NKAIN2: variants seen among roughly 807,000 people sequenced by gnomAD.
NKAIN2 encodes sodium/potassium transporting ATPase interacting 2, also known as sodium/potassium-transporting ATPase subunit beta-1-interacting protein 2.
Under a neutral mutation model 32.6 loss-of-function variants are expected in NKAIN2, and 14 were observed. That is an observed-to-expected ratio of 0.43 (90% CI 0.28 to 0.67). The LOEUF (loss-of-function observed/expected upper bound fraction) is 0.67, where lower values mean the gene tolerates loss of function less well. Among genes scored for constraint, NKAIN2 ranks in the 30% least tolerant of loss-of-function variants. The pLI, the probability that NKAIN2 is intolerant of heterozygous loss-of-function variation, is 0.17. For missense variants in NKAIN2, 198 were observed against 258.3 expected (o/e 0.77, Z 1.60); for synonymous variants, 80 against 87.2 (o/e 0.92, Z 0.46).
At chr6:124,547,064 T>C (rs902951586) in intron 3 of NKAIN2, among the ~76,000 whole-genome samples, 2 of 152,128 alleles carry the variant, frequency 1.3e-5, no homozygotes, top group Non-Finnish European at 2.9e-5. Flanking sequence ...AGAACTACTA[T>C]AAATGAACAT....
At chr6:123,982,519 TG>T (rs1443518798) in intron 1 of NKAIN2, among the ~76,000 whole-genome samples, 1 of 152,118 alleles carries the variant, frequency 6.6e-6, no homozygotes, top group Non-Finnish European at 1.5e-5. Flanking sequence ...ATTGTGCCTT[TG>T]TGTGATTTTA....
chr6:124,275,451 C>G (rs1253277472), intron 1 of NKAIN2, among the ~76,000 whole-genome samples: 1 of 149,210 alleles, frequency 6.7e-6, no homozygotes, highest in African/African-American at 2.5e-5. Context: ...CCAATATTTT[C>G]TTGGAAAGCT....
At chr6:124,759,940 A>G (rs1305906222) in intron 4 of NKAIN2, among the ~76,000 whole-genome samples, 3 of 151,988 alleles carry the variant, frequency 2.0e-5, no homozygotes, top group Admixed American at 2.0e-4. Context: ...GAACAGAGGC[A>G]CAGGAATAAA....
chr6:123,890,874 C>T (rs772717887), intron 1 of NKAIN2, among the ~76,000 whole-genome samples: 1 of 152,016 alleles, frequency 6.6e-6, no homozygotes, highest in Non-Finnish European at 1.5e-5. Context: ...AAACAAATAC[C>T]TATATACCAA....
rs1048190871 is a variant in NKAIN2 at position 124,765,360 on chromosome 6, T to G, written c.475-25979T>G. 4.7e-4 allele frequency among the ~76,000 whole-genome samples: 71 copies of G among 152,210 alleles called. 2 individuals are homozygous for G. On this transcript the variant is annotated intron_variant, in intron 4 of 6. Transcript: ENST00000368417. ...GCCTCCCTTAGTGATTTCACTGCAT[T>G]TACAGAGAGACCTCAACAATCAAGA...
intron 1 of NKAIN2, among the ~76,000 whole-genome samples, chr6:123,917,529 C>T (rs532388665): frequency 1.3e-5 from 2 of 152,260 alleles, no homozygotes; most frequent in South Asian, 2.1e-4. Context: ...GCAACTATGT[C>T]GTAGCAATGT....
intron 3 of NKAIN2, among the ~76,000 whole-genome samples, chr6:124,643,147 A>G (rs1028229425): frequency 2.0e-5 from 3 of 152,140 alleles, no homozygotes; most frequent in African/African-American, 7.2e-5. Context: ...CTTATATTTA[A>G]TGGTGCTTGT....
At chr6:123,871,622 G>T (rs1490362) in intron 1 of NKAIN2, among the ~76,000 whole-genome samples, 3,619 of 152,156 alleles carry the variant, frequency 0.024, 84 homozygotes, top group East Asian at 0.11. Flanking sequence ...GATATATTTG[G>T]ACACTTTTCA....
intron 1 of NKAIN2, among the ~76,000 whole-genome samples, chr6:123,983,506 T>G (rs1284893341): frequency 6.6e-6 from 1 of 152,190 alleles, no homozygotes; most frequent in Non-Finnish European, 1.5e-5. Flanking sequence ...GTTTTTCATC[T>G]GTAACCACAA....
At chr6:124,593,519 C>A (rs890727391) in intron 3 of NKAIN2, among the ~76,000 whole-genome samples, 1 of 152,016 alleles carries the variant, frequency 6.6e-6, no homozygotes, top group Non-Finnish European at 1.5e-5. Flanking sequence ...GTGTGTGGAC[C>A]TTTAGGGATG....
At chr6:124,673,574 G>A (rs2114481280) in intron 4 of NKAIN2, among the ~76,000 whole-genome samples, 1 of 152,048 alleles carries the variant, frequency 6.6e-6, no homozygotes, top group Middle Eastern at 3.4e-3. Context: ...TTTAATAATG[G>A]CCATCCTAAC....
chr6:124,080,664 C>G (rs1783919676), intron 1 of NKAIN2, among the ~76,000 whole-genome samples: 1 of 152,044 alleles, frequency 6.6e-6, no homozygotes, highest in South Asian at 2.1e-4. Context: ...GGATAATTAG[C>G]ACTTTAACTT....
intron 1 of NKAIN2, among the ~76,000 whole-genome samples, chr6:123,901,353 G>A (rs886648403): frequency 3.3e-5 from 5 of 151,950 alleles, no homozygotes; most frequent in Non-Finnish European, 7.4e-5. Flanking sequence ...ATTTATATTT[G>A]AGGTCTTAGA....
At chr6:123,855,462 A>ACCCAGAAG (rs575863387) in intron 1 of NKAIN2, among the ~76,000 whole-genome samples, 3,251 of 152,332 alleles carry the variant, frequency 0.021, 52 homozygotes, top group Non-Finnish European at 0.03. Context: ...GAAGACTTTG[A>ACCCAGAAG]TTATTGCAAA....
At chr6:123,842,683 T>C (rs1468885753) in intron 1 of NKAIN2, among the ~76,000 whole-genome samples, 1 of 152,150 alleles carries the variant, frequency 6.6e-6, no homozygotes, top group African/African-American at 2.4e-5. Context: ...TGTTTTTTTT[T>C]TCCCTAATTT....
At chr6:124,249,679 G>A (rs1793601890) in intron 1 of NKAIN2, among the ~76,000 whole-genome samples, 1 of 151,960 alleles carries the variant, frequency 6.6e-6, no homozygotes, top group South Asian at 2.1e-4. Context: ...AAGTGAAAGT[G>A]GGACCCATGG....
At chr6:124,630,967 T>C (rs908614262) in intron 3 of NKAIN2, among the ~76,000 whole-genome samples, 2 of 152,220 alleles carry the variant, frequency 1.3e-5, no homozygotes, top group African/African-American at 2.4e-5. Flanking sequence ...CTCAAAATAA[T>C]GTAGCCGTAT....
intron 4 of NKAIN2, among the ~76,000 whole-genome samples, chr6:124,734,743 A>G (rs1367987216): frequency 1.3e-5 from 2 of 151,904 alleles, no homozygotes; most frequent in Admixed American, 1.3e-4. Context: ...AATGGGTAAC[A>G]TTCCATAAAT....
Position 124,095,344 on chromosome 6 carries a change from C to T in NKAIN2, c.55-187661C>T, listed in dbSNP as rs547730379. Among the ~76,000 whole-genome samples, 11 of 152,272 alleles carry T rather than the reference C, an allele frequency of 7.2e-5. No individual in the cohort carries two copies. The South Asian group carries it at 2.3e-3, about 32-fold the overall frequency. ...AAAGACCTACACAGGTTACAGTTGA[C>T]CCCAAGTCCTAAATAAAATCTTGTG... On this transcript the variant is annotated intron_variant, in intron 1 of 6. Transcript: ENST00000368417.
Sources: gnomAD v4.1 joint callset for allele counts (sites outside exome capture counted in the v4.1 genomes callset) on GRCh38, gnomAD v4.1.1 for gene constraint, MANE v1.5 for transcripts, NCBI Gene and HGNC (gene_info 2026-07-23, HGNC 2026-07-21) for gene names.